The following RYK variants were observed in gnomAD, a reference collection of about 807,000 sequenced individuals.
RYK encodes the protein receptor like tyrosine kinase.
Under a neutral mutation model 70.2 loss-of-function variants are expected in RYK, and 21 were observed. The observed-to-expected ratio is 0.30, with a 90% CI of 0.21 to 0.43. The LOEUF (loss-of-function observed/expected upper bound fraction) is 0.43. Among genes scored for constraint, RYK ranks in the 20% least tolerant of loss-of-function variants. The probability of loss-of-function intolerance (pLI) is 1.00; values close to 1 mark genes in which losing one functional copy is unlikely to be tolerated. For missense variants in RYK, 604 were observed against 753.3 expected (o/e 0.80, Z 2.32); for synonymous variants, 267 against 278.0 (o/e 0.96, Z 0.39).
intron 1 of RYK, among the ~76,000 whole-genome samples, chr3:134,224,714 C>T (rs745951095): frequency 2.0e-5 from 3 of 152,110 alleles, no homozygotes; most frequent in South Asian, 2.1e-4. Context: ...CAGGCACTGG[C>T]GTTACCGCTA....
chr3:134,195,056 G>C, intron 7 of RYK, 26 bp downstream of exon 7: 2 of 1,511,814 alleles, frequency 1.3e-6, no homozygotes, highest in South Asian at 2.3e-5. Flanking sequence ...TGAGTAAACT[G>C]GCTTTAGAAT....
Position 134,249,471 on chromosome 3 carries a change from T to C in RYK, c.232+952A>G, listed in dbSNP as rs137942062. Among the ~76,000 whole-genome samples, 15 of 152,264 alleles carry C rather than the reference T, an allele frequency of 9.9e-5. No individual in the cohort carries two copies. The South Asian group carries it at 1.2e-3, about 13-fold the overall frequency. ...CCACCTTCAGATGAAATAAAGATAC[T>C]GCCATAATAACAAAAGAATGCAAAC... On this transcript the variant is annotated intron_variant, in intron 1 of 14. Transcript: ENST00000623711.
At chr3:134,235,862 G>C (rs1560027963) in intron 1 of RYK, among the ~76,000 whole-genome samples, 1 of 152,084 alleles carries the variant, frequency 6.6e-6, no homozygotes, top group Non-Finnish European at 1.5e-5. Flanking sequence ...CCAGGAGCAG[G>C]GTAACTCTTT....
At chr3:134,186,525 T>C (rs2013466902) in intron 9 of RYK, among the ~76,000 whole-genome samples, 1 of 152,196 alleles carries the variant, frequency 6.6e-6, no homozygotes, top group South Asian at 2.1e-4. Context: ...GCTATCTCTC[T>C]AACAAATTTG....
chr3:134,246,943 G>C (rs2015482836), intron 1 of RYK, among the ~76,000 whole-genome samples: 1 of 151,844 alleles, frequency 6.6e-6, no homozygotes, highest in Non-Finnish European at 1.5e-5. Flanking sequence ...TCTCTAAGAG[G>C]AAACCAAGTG....
chr3:134,241,105 GA>G (rs111779517), intron 1 of RYK, among the ~76,000 whole-genome samples: 17,428 of 150,734 alleles, frequency 0.12, 1,076 homozygotes, highest in Middle Eastern at 0.16. Flanking sequence ...GTTGGTGGGG[GA>G]GGGAAATCAC....
intron 8 of RYK, among the ~76,000 whole-genome samples, chr3:134,189,887 A>C (rs2013592923): frequency 6.6e-6 from 1 of 152,166 alleles, no homozygotes; most frequent in African/African-American, 2.4e-5. Context: ...GAAAACTCCC[A>C]AACAAGATGA....
chr3:134,227,200 C>A (rs749723378), intron 1 of RYK, among the ~76,000 whole-genome samples: 1 of 151,882 alleles, frequency 6.6e-6, no homozygotes. Flanking sequence ...CACCAGGGAC[C>A]TAGGAATAAC....
intron 13 of RYK, 97 bp downstream of exon 13, chr3:134,175,512 A>C (rs1023823550): frequency 4.3e-6 from 6 of 1,409,574 alleles, no homozygotes; most frequent in Non-Finnish European, 5.8e-6. Context: ...AACAGCTAGC[A>C]GATTTTTTAA....
chr3:134,189,740 C>CAAAAAAAAAAAAAA (rs57016937), intron 8 of RYK, among the ~76,000 whole-genome samples: 5 of 92,662 alleles, frequency 5.4e-5, no homozygotes, highest in Non-Finnish European at 8.3e-5. Flanking sequence ...GAGACTCCGC[C>CAAAAAAAAAAAAAA]AAAAAAAAAA....
intron 1 of RYK, among the ~76,000 whole-genome samples, chr3:134,243,573 G>A (rs373075787): frequency 5.3e-5 from 8 of 152,208 alleles, no homozygotes; most frequent in African/African-American, 1.4e-4. Flanking sequence ...GCGCTCCATG[G>A]CTTTGCTAAT....
In RYK at chr3:134,246,349, G is replaced by GAT. The variant is rs1206980101; in HGVS notation, c.232+4073_232+4074insAT. Among the ~76,000 whole-genome samples the GAT allele has an allele frequency of 2.4e-3, 296 of 122,824 alleles. 7 individuals carry two copies. The highest frequency in any genetic ancestry group is 7.0e-3 in the African/African-American group (224 of 31,900). The allele number at this position is 122,824 out of a possible 152,430, so 80.6% of individuals were successfully genotyped here. A position where few individuals can be genotyped will look rare whatever the true frequency, so the allele number is the denominator to read the frequency against. On this transcript the variant is annotated intron_variant, in intron 1 of 14. Transcript: ENST00000623711. ...ACACACACACACACACACACAGAGA[G>GAT]AGAGAAAATAAAGGGTGGGAATTAT... is the stretch of plus-strand genomic sequence containing the variant.
intron 1 of RYK, among the ~76,000 whole-genome samples, chr3:134,228,585 C>A (rs1350553898): frequency 6.6e-6 from 1 of 151,866 alleles, no homozygotes; most frequent in African/African-American, 2.4e-5. Flanking sequence ...GTGAAATAAG[C>A]CAGACACAGA....
chr3:134,191,083 A>C (rs1280098308), intron 8 of RYK, among the ~76,000 whole-genome samples: 1 of 152,248 alleles, frequency 6.6e-6, no homozygotes, highest in Admixed American at 6.5e-5. Context: ...AGGAGGACTC[A>C]TAAGTATCCA....
chr3:134,217,560 G>A (rs961610707), intron 2 of RYK, among the ~76,000 whole-genome samples: 5 of 152,316 alleles, frequency 3.3e-5, no homozygotes, highest in Admixed American at 2.6e-4. Context: ...GTACAACTCT[G>A]TATCAAGTGA....
rs1335346227 is a variant in RYK, at chr3:134,222,542, A to G, written c.233-3T>C. Reference sequence around the variant, plus strand: ...ATAATAAAGTTCTGCATCAAGACCTAGAAAAAAATAGGAAAAAAATAATTA... The same window carrying G: ...ATAATAAAGTTCTGCATCAAGACCTGGAAAAAAATAGGAAAAAAATAATTA... On this transcript the variant is annotated splice_polypyrimidine_tract_variant and splice_region_variant and intron_variant, in intron 1 of 14. Transcript: ENST00000623711. The G allele has an allele frequency of 5.7e-6, 9 of 1,587,156 alleles. No homozygotes were observed. The highest frequency in any genetic ancestry group is 7.7e-6 in the Non-Finnish European group (9 of 1,163,446).
chr3:134,218,796 A>C (rs2014642731), intron 2 of RYK, among the ~76,000 whole-genome samples: 1 of 152,184 alleles, frequency 6.6e-6, no homozygotes, highest in Non-Finnish European at 1.5e-5. Flanking sequence ...CAGTTAGAAG[A>C]CCACTTCCGA....
At chr3:134,161,267 T>C (rs771804465) in intron 13 of RYK, among the ~76,000 whole-genome samples, 17 of 152,212 alleles carry the variant, frequency 1.1e-4, no homozygotes, top group Non-Finnish European at 2.1e-4. Context: ...TATAATATTT[T>C]TGGAAAATAG....
At position 134,185,378 on chromosome 3, in the gene RYK, T is replaced by C. The variant is rs75011783; in HGVS notation, c.1103-2307A>G. 6.0e-3 allele frequency among the ~76,000 whole-genome samples: 916 copies of C among 152,296 alleles called. 9 individuals are homozygous for C. Among genetic ancestry groups the C allele is most frequent in the African/African-American group, 0.021 (875 of 41,532 alleles). ...TTTCATTTACTTCCACATCTACCCA[T>C]TGGAATCTCATTCCTGCTTCACTTC... On this transcript the variant is annotated intron_variant, in intron 9 of 14. Transcript: ENST00000623711.
Sources: allele counts gnomAD v4.1 joint callset (sites outside exome capture counted in the v4.1 genomes callset), GRCh38; gene constraint gnomAD v4.1.1; transcripts MANE v1.5; gene names NCBI Gene and HGNC (gene_info 2026-07-23, HGNC 2026-07-21).